Variants in TRPS1 observed in about 807,000 individuals in gnomAD.
TRPS1 encodes the protein transcriptional repressor GATA binding 1.
TRPS1 carries 6 observed loss-of-function variants against 101.2 expected under a neutral mutation model. The ratio of observed to expected loss-of-function variants is 0.06; its 90% CI spans 0.03 to 0.12. The LOEUF (loss-of-function observed/expected upper bound fraction) is 0.12, where lower values mean the gene tolerates loss of function less well. Ranked by LOEUF, TRPS1 falls within the 10% of genes least tolerant of loss-of-function variation. The pLI is 1.00. For missense variants in TRPS1, 1,363 were observed against 1,567.0 expected (o/e 0.87, Z 2.20); for synonymous variants, 578 against 589.8 (o/e 0.98, Z 0.29).
At chr8:115,592,727 A>G (rs1817703090) in intron 4 of TRPS1, among the ~76,000 whole-genome samples, 1 of 152,180 alleles carries the variant, frequency 6.6e-6, no homozygotes, top group South Asian at 2.1e-4. Flanking sequence ...TGTAAAAATC[A>G]CCTGGGGATT....
chr8:115,551,336 A>G (rs1330512394), intron 5 of TRPS1, among the ~76,000 whole-genome samples: 1 of 152,172 alleles, frequency 6.6e-6, no homozygotes. Context: ...CCAGTGCTAA[A>G]AAGTTTGAAT....
intron 4 of TRPS1, among the ~76,000 whole-genome samples, chr8:115,592,287 G>T (rs1363561531): frequency 2.6e-5 from 4 of 151,998 alleles, no homozygotes; most frequent in Non-Finnish European, 5.9e-5. Flanking sequence ...GCAGGGACCA[G>T]TACCCATAAA....
chr8:115,518,436 A>G (rs114697337), intron 5 of TRPS1, among the ~76,000 whole-genome samples: 1 of 151,986 alleles, frequency 6.6e-6, no homozygotes, highest in African/African-American at 2.4e-5. Flanking sequence ...TATCAGAAAG[A>G]TAATGAACAC....
At chr8:115,591,253 A>G (rs982942475) in intron 4 of TRPS1, among the ~76,000 whole-genome samples, 5 of 152,236 alleles carry the variant, frequency 3.3e-5, no homozygotes, top group Non-Finnish European at 7.3e-5. Context: ...TGTATTCATT[A>G]AAGTTGTTTA....
rs527316144 is a variant in TRPS1, at chr8:115,431,980, G to A, written c.2701-13528C>T. Among the ~76,000 whole-genome samples, 40 of 151,720 alleles carry A rather than the reference G, an allele frequency of 2.6e-4. No individual in the cohort carries two copies. The Middle Eastern group carries it at 0.01, about 39-fold the overall frequency. ...ACACACAAACATACATTTATAATAT[G>A]TATAGGCATATACACATATATTCCT... On this transcript the variant is annotated intron_variant, in intron 5 of 6. Transcript: ENST00000395715.
At chr8:115,585,561 T>A (rs756853822) in intron 5 of TRPS1, among the ~76,000 whole-genome samples, 10 of 152,172 alleles carry the variant, frequency 6.6e-5, no homozygotes, top group Non-Finnish European at 1.3e-4. Flanking sequence ...TCCCGCCTTA[T>A]AACCAGAAGC....
At chr8:115,582,597 G>A (rs1477122744) in intron 5 of TRPS1, among the ~76,000 whole-genome samples, 1 of 152,138 alleles carries the variant, frequency 6.6e-6, no homozygotes, top group African/African-American at 2.4e-5. Flanking sequence ...CTGTGAGGGT[G>A]GCAGGCAGCA....
At chr8:115,477,563 A>G (rs994951677) in intron 5 of TRPS1, among the ~76,000 whole-genome samples, 1 of 152,224 alleles carries the variant, frequency 6.6e-6, no homozygotes, top group Non-Finnish European at 1.5e-5. Context: ...TGAATTTCCA[A>G]TTTCCAACAC....
At chr8:115,571,403 A>T (rs1174276370) in intron 5 of TRPS1, among the ~76,000 whole-genome samples, 1 of 152,180 alleles carries the variant, frequency 6.6e-6, no homozygotes, top group Non-Finnish European at 1.5e-5. Flanking sequence ...ATGGGTAAAT[A>T]GGCTAGTAAA....
At chr8:115,587,639 C>T (rs1293086693) in intron 4 of TRPS1, 35 bp from the exon 5 acceptor site, 6 of 1,613,110 alleles carry the variant, frequency 3.7e-6, no homozygotes, top group African/African-American at 2.7e-5. Context: ...GCAAAGACAG[C>T]GTTCTGAAGG....
chr8:115,482,157 A>G (rs116979240), intron 5 of TRPS1, among the ~76,000 whole-genome samples: 1 of 152,310 alleles, frequency 6.6e-6, no homozygotes, highest in Non-Finnish European at 1.5e-5. Context: ...TCAGGTCATT[A>G]GCTTTGCTCT....
chr8:115,415,224 C>G, intron 6 of TRPS1, 140 bp from the exon 7 acceptor site: 1 of 912,812 alleles, frequency 1.1e-6, no homozygotes, highest in Non-Finnish European at 1.6e-6. Flanking sequence ...TAAATCTCCT[C>G]CTTTTGCCCT....
intron 5 of TRPS1, chr8:115,509,844 C>T (rs1263163649): frequency 6.6e-6 from 1 of 151,920 alleles, no homozygotes; most frequent in Non-Finnish European, 1.5e-5. Context: ...ATGCCTAGGC[C>T]ACCACTCTGC....
chr8:115,615,286 G>A (rs1309842373), intron 3 of TRPS1, among the ~76,000 whole-genome samples: 2 of 152,160 alleles, frequency 1.3e-5, no homozygotes, highest in African/African-American at 2.4e-5. Context: ...ACACTTTCCC[G>A]TGGGAAGCAC....
At chr8:115,482,799 T>G (rs1022653185) in intron 5 of TRPS1, among the ~76,000 whole-genome samples, 1 of 152,186 alleles carries the variant, frequency 6.6e-6, no homozygotes, top group East Asian at 1.9e-4. Flanking sequence ...ATAATGAGGA[T>G]CCATATCCTG....
intron 4 of TRPS1, among the ~76,000 whole-genome samples, chr8:115,590,041 T>A (rs1228576355): frequency 6.6e-6 from 1 of 151,892 alleles, no homozygotes; most frequent in Non-Finnish European, 1.5e-5. Flanking sequence ...TACTTGAACC[T>A]GGGAGGCGGA....
Position 115,413,155 on chromosome 8 carries a change from T to C in TRPS1, c.*868A>G, listed in dbSNP as rs1812828482. ...TTAGTTATAATGTGCCAAGTGAGAT[T>C]AGTAACCAACAGGAGGCTTAGAAAA... On this transcript the variant is annotated 3_prime_UTR_variant, in exon 7 of 7. Coordinates refer to ENST00000395715, the MANE Select transcript of TRPS1 (RefSeq NM_014112.5). 1 of 152,142 alleles carries C rather than the reference T, an allele frequency of 6.6e-6. No homozygotes were observed. Among genetic ancestry groups the C allele is most frequent in the African/African-American group, 2.4e-5 (1 of 41,434 alleles). 9.4% of individuals were successfully genotyped at this position (152,142 alleles called of 1,614,324 possible).
intron 5 of TRPS1, among the ~76,000 whole-genome samples, chr8:115,461,282 T>C (rs1293226910): frequency 7.6e-4 from 90 of 119,170 alleles, no homozygotes; most frequent in East Asian, 6.0e-3. Flanking sequence ...GATAGATAGA[T>C]AGATAGATAG....
intron 5 of TRPS1, among the ~76,000 whole-genome samples, chr8:115,582,086 C>A (rs1412939163): frequency 6.6e-6 from 1 of 152,142 alleles, no homozygotes; most frequent in Non-Finnish European, 1.5e-5. Flanking sequence ...CTGATATAGT[C>A]TGATCTCTTT....
Sources: gnomAD v4.1 joint callset for allele counts (sites outside exome capture counted in the v4.1 genomes callset) on GRCh38, gnomAD v4.1.1 for gene constraint, MANE v1.5 for transcripts, NCBI Gene and HGNC (gene_info 2026-07-23, HGNC 2026-07-21) for gene names.